Variants in ROCK2 observed in about 807,000 individuals in gnomAD.
ROCK2 encodes rho-associated protein kinase 2.
In ROCK2, 61 loss-of-function variants were observed where a neutral mutation model predicts 195.1. The observed-to-expected ratio is 0.31, with a 90% CI of 0.25 to 0.39. The LOEUF (loss-of-function observed/expected upper bound fraction) is 0.39. ROCK2 is among the 10% of genes least tolerant of loss of function. The pLI is 1.00. For synonymous variants in ROCK2, 504 were observed against 545.5 expected (o/e 0.92, Z 1.06); for missense variants, 1,109 against 1,637.4 (o/e 0.68, Z 5.57).
chr2:11,240,847 AT>A (rs1665399662), intron 4 of ROCK2, among the ~76,000 whole-genome samples: 1 of 152,254 alleles, frequency 6.6e-6, no homozygotes, highest in Non-Finnish European at 1.5e-5. Flanking sequence ...TTGTATAGTT[AT>A]TATACCTCAA....
intron 12 of ROCK2, 41 bp downstream of exon 12, chr2:11,217,049 T>G: frequency 9.4e-7 from 1 of 1,069,324 alleles, no homozygotes; most frequent in Non-Finnish European, 1.4e-6. Context: ...TGTTTAAACT[T>G]AAATTTTATA....
chr2:11,274,316 A>G (rs1251076995), intron 3 of ROCK2, among the ~76,000 whole-genome samples: 2 of 152,144 alleles, frequency 1.3e-5, no homozygotes, highest in African/African-American at 4.8e-5. Context: ...AAAATCAATG[A>G]AACCAAAAGT....
chr2:11,326,229 TA>T (rs1329600077), intron 1 of ROCK2, among the ~76,000 whole-genome samples: 24 of 67,430 alleles, frequency 3.6e-4, no homozygotes, highest in Admixed American at 4.2e-4. Context: ...CAAATGCATT[TA>T]AAAAAAAAAA....
chr2:11,343,565 T>C (rs759392220), intron 1 of ROCK2, among the ~76,000 whole-genome samples: 3 of 152,234 alleles, frequency 2.0e-5, no homozygotes, highest in Non-Finnish European at 4.4e-5. Flanking sequence ...CTTTGTCATG[T>C]ACCCCAGTGA....
intron 1 of ROCK2, among the ~76,000 whole-genome samples, chr2:11,296,240 A>G (rs1395628128): frequency 6.6e-6 from 1 of 152,198 alleles, no homozygotes; most frequent in Non-Finnish European, 1.5e-5. Context: ...ACAGTTAAGT[A>G]GATAGATAGC....
intron 3 of ROCK2, among the ~76,000 whole-genome samples, chr2:11,257,475 G>A (rs1365318120): frequency 6.6e-6 from 1 of 151,542 alleles, no homozygotes; most frequent in Non-Finnish European, 1.5e-5. Context: ...ACAACAGCCA[G>A]TGCATCATTC....
Position 11,230,769 on chromosome 2 carries a change from G to A in ROCK2, c.724-3371C>T, listed in dbSNP as rs151233529. ...TCATGGTCAAAAAATATCATAAATC[G>A]AGATAACTTACTGAAAACACAAAAC... On this transcript the variant is annotated intron_variant, in intron 5 of 32. Coordinates refer to ENST00000315872, the MANE Select transcript of ROCK2 (RefSeq NM_004850.5). Among the ~76,000 whole-genome samples, 467 of 151,922 alleles carry A rather than the reference G, an allele frequency of 3.1e-3. 2 individuals carry two copies. The highest frequency in any genetic ancestry group is 0.01 in the African/African-American group (417 of 41,440).
At chr2:11,184,569 CA>C in intron 32 of ROCK2, 1 of 920,978 alleles carries the variant, frequency 1.1e-6, no homozygotes, top group East Asian at 1.2e-4. Flanking sequence ...CTATTAAAAA[CA>C]AGTTTCAAAA....
chr2:11,317,471 G>A (rs1668230892), intron 1 of ROCK2, among the ~76,000 whole-genome samples: 1 of 148,532 alleles, frequency 6.7e-6, no homozygotes, highest in Non-Finnish European at 1.5e-5. Flanking sequence ...GCATTGTTAT[G>A]AAAAGGAAAT....
intron 1 of ROCK2, among the ~76,000 whole-genome samples, chr2:11,326,442 T>C (rs1668553523): frequency 6.6e-6 from 1 of 152,150 alleles, no homozygotes; most frequent in Admixed American, 6.5e-5. Context: ...TTTTAGTGAA[T>C]GATGAGAGAA....
chr2:11,223,438 T>A (rs756870993), intron 7 of ROCK2, among the ~76,000 whole-genome samples: 3 of 152,134 alleles, frequency 2.0e-5, no homozygotes, highest in Non-Finnish European at 4.4e-5. Flanking sequence ...GATTTTATCC[T>A]ATAAAAAGTA....
intron 1 of ROCK2, among the ~76,000 whole-genome samples, chr2:11,325,214 C>A (rs1265693396): frequency 6.6e-6 from 1 of 152,194 alleles, no homozygotes; most frequent in Non-Finnish European, 1.5e-5. Context: ...AGTTGCACAT[C>A]CACTACCAAA....
intron 1 of ROCK2, among the ~76,000 whole-genome samples, chr2:11,288,753 T>C (rs1667275628): frequency 1.3e-5 from 2 of 149,634 alleles, no homozygotes; most frequent in Admixed American, 6.6e-5. Context: ...GGGGAAAACA[T>C]GGGGAAAATT....
chr2:11,192,344 T>C lies in ROCK2; in HGVS notation c.3967A>G (p.Thr1323Ala), dbSNP rs761352733. 1.7e-5 allele frequency: 27 copies of C among 1,612,354 alleles called. 1 individual carries two copies. The highest frequency in any genetic ancestry group is 7.7e-5 in the South Asian group (7 of 90,914). The part of the protein sequence containing the change: ...APCKVYYDIS[T>A]AKNLLLLANS... ...GCTAGTAATAACAGATTCTTTGCCG[T>C]TGAAATATCATAATATACTATAAAG... The change falls in exon 32 of 33, where the codon ACG becomes GCG. Residue 1323 changes from threonine (T) to alanine (A), a missense_variant. By Grantham distance (58) the Thr-to-Ala change is moderately conservative. This residue lies in a region of ROCK2 where 221 missense variants were observed against 355.1 expected (regional missense o/e 0.62). Coordinates refer to ENST00000315872, the MANE Select transcript of ROCK2 (RefSeq NM_004850.5). The surrounding 1 kb of genome is among the most constrained non-coding windows in gnomAD (Gnocchi z 5.0).
chr2:11,338,450 A>G (rs1290878631), intron 1 of ROCK2, among the ~76,000 whole-genome samples: 3 of 152,270 alleles, frequency 2.0e-5, no homozygotes, highest in African/African-American at 7.2e-5. Flanking sequence ...ATAAAAATTA[A>G]AAAATACAAA....
At chr2:11,276,557 G>A (rs537799238) in intron 3 of ROCK2, among the ~76,000 whole-genome samples, 1 of 152,240 alleles carries the variant, frequency 6.6e-6, no homozygotes, top group South Asian at 2.1e-4. Context: ...TATTAGACTG[G>A]AAGACTTAGT....
intron 3 of ROCK2, among the ~76,000 whole-genome samples, chr2:11,263,980 G>GAA (rs56736410): frequency 7.2e-6 from 1 of 139,604 alleles, no homozygotes; most frequent in Admixed American, 7.0e-5. Flanking sequence ...GAAAAAAGAT[G>GAA]AAAAAAAAAA....
In ROCK2 at chr2:11,227,284, C is replaced by G. The variant is rs1429688570; in HGVS notation, c.838G>C (p.Val280Leu). Residue 280 changes from valine to leucine, a missense_variant, in exon 6 of 33, where the codon GTA becomes CTA. Transcript: ENST00000315872. Reference sequence around the variant, plus strand: ...AGCATCTCATAAAGGAAAACACCTACAGACCACCAATCACATTCTCGCCCA... The same window carrying G: ...AGCATCTCATAAAGGAAAACACCTAGAGACCACCAATCACATTCTCGCCCA... The part of the protein sequence containing the change: ...FYGRECDWWS[V>L]GVFLYEMLVG... 2 of 1,613,646 alleles carry G rather than the reference C, an allele frequency of 1.2e-6. No homozygotes were observed. The highest frequency in any genetic ancestry group is 8.5e-7 in the Non-Finnish European group (1 of 1,179,722).
At chr2:11,310,544 C>T (rs557219529) in intron 1 of ROCK2, among the ~76,000 whole-genome samples, 3 of 152,252 alleles carry the variant, frequency 2.0e-5, no homozygotes, top group Non-Finnish European at 2.9e-5. Context: ...GATTGCAGAA[C>T]GGTTACCAAA....
Sources: gnomAD v4.1 joint callset for allele counts (sites outside exome capture counted in the v4.1 genomes callset) on GRCh38, gnomAD v4.1.1 for gene constraint, gnomAD v4.1.1 regional missense constraint, Gnocchi (gnomAD v3.1) non-coding constraint, MANE v1.5 for transcripts, NCBI Gene and HGNC (gene_info 2026-07-23, HGNC 2026-07-21) for gene names.